The following PPFIBP2 variants were observed in gnomAD, a reference collection of about 807,000 sequenced individuals.
The protein encoded by PPFIBP2 is liprin-beta-2.
Under a neutral mutation model 118.3 loss-of-function variants are expected in PPFIBP2, and 118 were observed. That is an observed-to-expected ratio of 1.00 (90% CI 0.86 to 1.16). The LOEUF (loss-of-function observed/expected upper bound fraction) is 1.16, where lower values mean the gene tolerates loss of function less well. PPFIBP2 is among the 50% of genes most tolerant of loss of function. The probability of loss-of-function intolerance (pLI) is 0.00; values close to 1 mark genes in which losing one functional copy is unlikely to be tolerated. For synonymous variants in PPFIBP2, 414 were observed against 397.4 expected (o/e 1.04, Z -0.50); for missense variants, 1,195 against 1,073.1 (o/e 1.11, Z -1.59).
At chr11:7,557,082 C>A (rs7126655) in intron 2 of PPFIBP2, among the ~76,000 whole-genome samples, 81,177 of 152,056 alleles carry the variant, frequency 0.53, 24,256 homozygotes, top group African/African-American at 0.82. Context: ...GGACCTTGTC[C>A]TCCTTTTTTA....
chr11:7,523,856 G>A (rs927830677), intron 1 of PPFIBP2, among the ~76,000 whole-genome samples: 1 of 152,224 alleles, frequency 6.6e-6, no homozygotes, highest in Non-Finnish European at 1.5e-5. Flanking sequence ...AGGGATGCCA[G>A]TGAGGTGTGT....
the PPFIBP2 span, among the ~76,000 whole-genome samples, chr11:7,664,808 CCCCCCA>C: frequency 6.6e-6 from 1 of 150,600 alleles, no homozygotes; most frequent in Admixed American, 6.6e-5. Flanking sequence ...GCTGTCCCTC[CCCCCCA>C]CCCCGACAGA....
At chr11:7,555,503 C>A (rs1853503956) in intron 2 of PPFIBP2, among the ~76,000 whole-genome samples, 2 of 152,150 alleles carry the variant, frequency 1.3e-5, no homozygotes, top group Admixed American at 1.3e-4. Flanking sequence ...TCTGAACAGT[C>A]CTTGACTGAT....
intron 3 of PPFIBP2, among the ~76,000 whole-genome samples, chr11:7,589,161 T>C (rs1858754339): frequency 6.6e-6 from 1 of 152,234 alleles, no homozygotes; most frequent in Non-Finnish European, 1.5e-5. Context: ...TCTAGCCTAG[T>C]GGCTAATGTC....
intron 11 of PPFIBP2, 164 bp from the exon 12 acceptor site, chr11:7,632,703 C>T (rs1565094380): frequency 1.7e-6 from 1 of 579,066 alleles, no homozygotes; most frequent in African/African-American, 1.9e-5. Context: ...TACCACACCC[C>T]CTTGCATCTT....
intron 16 of PPFIBP2, 75 bp from the exon 17 acceptor site, chr11:7,642,223 G>A: frequency 6.4e-7 from 1 of 1,566,204 alleles, no homozygotes; most frequent in Non-Finnish European, 8.7e-7. Flanking sequence ...GCATGGCCTT[G>A]CAAAAGAGGA....
At chr11:7,648,626 C>G (rs908082581) in intron 18 of PPFIBP2, 89 bp downstream of exon 18, 1 of 1,557,336 alleles carries the variant, frequency 6.4e-7, no homozygotes, top group Admixed American at 1.7e-5. Context: ...CACATACACA[C>G]AGGAGGATGG....
chr11:7,561,198 T>G (rs1854262364), intron 2 of PPFIBP2, among the ~76,000 whole-genome samples: 1 of 152,188 alleles, frequency 6.6e-6, no homozygotes, highest in South Asian at 2.1e-4. Flanking sequence ...CTTAAGTAGC[T>G]GGGGTTACAG....
chr11:7,575,400 G>T (rs1032906299), intron 3 of PPFIBP2, among the ~76,000 whole-genome samples: 1 of 152,188 alleles, frequency 6.6e-6, no homozygotes, highest in Non-Finnish European at 1.5e-5. Flanking sequence ...AGCTGGGAGT[G>T]AGCAAGGCTG....
intron 20 of PPFIBP2, 48 bp from the exon 21 acceptor site, chr11:7,649,484 T>C: frequency 6.2e-7 from 1 of 1,611,574 alleles, no homozygotes; most frequent in Non-Finnish European, 8.5e-7. Context: ...CAGGGGTCTT[T>C]TGTCACTTTG....
chr11:7,587,730 C>A (rs914398541), intron 3 of PPFIBP2, among the ~76,000 whole-genome samples: 2 of 152,228 alleles, frequency 1.3e-5, no homozygotes, highest in African/African-American at 4.8e-5. Flanking sequence ...GGCACCACCA[C>A]TACCATGCTC....
chr11:7,639,697 G>A (rs1394043951), intron 14 of PPFIBP2, 35 bp from the exon 15 acceptor site: 1 of 1,613,286 alleles, frequency 6.2e-7, no homozygotes, highest in Non-Finnish European at 8.5e-7. Flanking sequence ...TGACAGTTAA[G>A]TCGGTATCTC....
At position 7,648,540 on chromosome 11, in the gene PPFIBP2, A is replaced by G. The variant is rs1416804777; in HGVS notation, c.1797+3A>G. 1 of 1,613,938 alleles carries G rather than the reference A, an allele frequency of 6.2e-7. No homozygotes were observed. The highest frequency in any genetic ancestry group is 2.2e-5 in the East Asian group (1 of 44,850). On this transcript the variant is annotated splice_donor_region_variant and intron_variant, in intron 18 of 23. Coordinates refer to ENST00000299492, the MANE Select transcript of PPFIBP2 (RefSeq NM_003621.5). ...CCACCCCTCAGGACATGGAAAAGGT[A>G]AGGGCTCAGCTTGGGGAGAGGAGGC...
At chr11:7,600,124 C>T (rs775157523) in intron 5 of PPFIBP2, among the ~76,000 whole-genome samples, 1 of 152,058 alleles carries the variant, frequency 6.6e-6, no homozygotes, top group Non-Finnish European at 1.5e-5. Flanking sequence ...ATTTTTCTGC[C>T]CATAAGCTTT....
chr11:7,532,352 A>G (rs7111237), intron 1 of PPFIBP2, among the ~76,000 whole-genome samples: 66,119 of 152,068 alleles, frequency 0.43, 14,732 homozygotes, highest in African/African-American at 0.5. Context: ...GGACTTCAAC[A>G]TAAGAATTTT....
At chr11:7,550,020 G>GT (rs1486971416) in intron 2 of PPFIBP2, among the ~76,000 whole-genome samples, 5 of 152,164 alleles carry the variant, frequency 3.3e-5, no homozygotes, top group East Asian at 1.9e-4. Context: ...ATGCCATATT[G>GT]TTTTTTATCC....
At chr11:7,543,187 G>C (rs74966910) in intron 1 of PPFIBP2, among the ~76,000 whole-genome samples, 1 of 152,198 alleles carries the variant, frequency 6.6e-6, no homozygotes, top group African/African-American at 2.4e-5. Context: ...CTCTACCAAA[G>C]AGGTTTCTTA....
chr11:7,637,529 GCCTAGGC>G (rs1201401276), intron 14 of PPFIBP2, among the ~76,000 whole-genome samples: 1 of 152,212 alleles, frequency 6.6e-6, no homozygotes, highest in African/African-American at 2.4e-5. Context: ...CTGACTCAAA[GCCTAGGC>G]CCTTTCCACT....
intron 8 of PPFIBP2, among the ~76,000 whole-genome samples, chr11:7,627,720 C>T (rs891245395): frequency 2.6e-5 from 4 of 152,210 alleles, no homozygotes; most frequent in African/African-American, 9.6e-5. Context: ...TGTTTATCCT[C>T]AACCCAGCAT....
Sources: allele counts gnomAD v4.1 joint callset (sites outside exome capture counted in the v4.1 genomes callset), GRCh38; gene constraint gnomAD v4.1.1; transcripts MANE v1.5; gene names NCBI Gene and HGNC (gene_info 2026-07-23, HGNC 2026-07-21).